The following SNX29 variants were observed in gnomAD, a reference collection of about 807,000 sequenced individuals.
The protein encoded by SNX29 is sorting nexin-29.
SNX29 carries 78 observed loss-of-function variants against 102.1 expected under a neutral mutation model. The observed-to-expected ratio is 0.76, with a 90% CI of 0.64 to 0.92. The LOEUF (loss-of-function observed/expected upper bound fraction) is 0.92, where lower values mean the gene tolerates loss of function less well. Ranked by LOEUF, SNX29 falls within the 40% of genes least tolerant of loss-of-function variation. SNX29 has a pLI of 0.00. For synonymous variants in SNX29, 580 were observed against 414.5 expected (o/e 1.40, Z -4.85); for missense variants, 1,280 against 1,061.7 (o/e 1.21, Z -2.86).
chr16:12,169,629 A>G (rs781671172), intron 13 of SNX29, among the ~76,000 whole-genome samples: 19 of 152,138 alleles, frequency 1.2e-4, no homozygotes, highest in Non-Finnish European at 2.5e-4. Flanking sequence ...GGAGGCCAAG[A>G]TGGGTGGATC....
intron 18 of SNX29, among the ~76,000 whole-genome samples, chr16:12,416,626 A>G (rs2084649427): frequency 6.6e-6 from 1 of 152,210 alleles, no homozygotes; most frequent in Non-Finnish European, 1.5e-5. Flanking sequence ...TGCAGGCTGT[A>G]CAAGAAGCAT....
chr16:12,241,195 T>G (rs1367089889), intron 14 of SNX29, among the ~76,000 whole-genome samples: 1 of 152,194 alleles, frequency 6.6e-6, no homozygotes, highest in Non-Finnish European at 1.5e-5. Flanking sequence ...TAGGTTGCTT[T>G]TAAGAGGAGT....
intron 19 of SNX29, among the ~76,000 whole-genome samples, chr16:12,481,473 TATAC>T (rs2087917546): frequency 7.5e-6 from 1 of 133,512 alleles, no homozygotes; most frequent in Admixed American, 8.2e-5. Flanking sequence ...TATACACATA[TATAC>T]ACACATATAT....
At chr16:12,145,393 G>T (rs577471577) in intron 13 of SNX29, among the ~76,000 whole-genome samples, 21 of 152,146 alleles carry the variant, frequency 1.4e-4, no homozygotes, top group African/African-American at 5.1e-4. Flanking sequence ...TTATTCTGTT[G>T]CTATGTAGAT....
chr16:11,985,691 A>G (rs1366563768), intron 1 of SNX29, among the ~76,000 whole-genome samples: 2 of 152,092 alleles, frequency 1.3e-5, no homozygotes, highest in Non-Finnish European at 2.9e-5. Context: ...AATTGTCTGG[A>G]TGGAGGATGA....
At chr16:12,146,430 T>G (rs748545594) in intron 13 of SNX29, among the ~76,000 whole-genome samples, 27 of 152,176 alleles carry the variant, frequency 1.8e-4, no homozygotes, top group Admixed American at 1.3e-4. Context: ...CATGCCCAGC[T>G]AATTTTTGTA....
chr16:12,247,925 A>G (rs1162278906), intron 14 of SNX29, among the ~76,000 whole-genome samples: 2 of 152,134 alleles, frequency 1.3e-5, no homozygotes, highest in African/African-American at 4.8e-5. Context: ...TGTGTTGTTT[A>G]CCACACACTG....
intron 18 of SNX29, among the ~76,000 whole-genome samples, chr16:12,436,477 C>T (rs1028568711): frequency 2.0e-5 from 3 of 152,224 alleles, no homozygotes; most frequent in Non-Finnish European, 4.4e-5. Context: ...TGCCAGATGC[C>T]ATTTCAGGAA....
chr16:12,225,128 GATATTA>G (rs1389838107), intron 14 of SNX29, among the ~76,000 whole-genome samples: 1 of 152,152 alleles, frequency 6.6e-6, no homozygotes, highest in Non-Finnish European at 1.5e-5. Context: ...CAAAGGCATT[GATATTA>G]ATAACAGTAT....
intron 18 of SNX29, among the ~76,000 whole-genome samples, chr16:12,472,583 A>AT (rs1305141110): frequency 1.3e-5 from 2 of 151,086 alleles, no homozygotes; most frequent in Non-Finnish European, 2.9e-5. Flanking sequence ...AATCTAGGGG[A>AT]TAGTGCTTAG....
At chr16:12,467,833 G>A (rs1006957895) in intron 18 of SNX29, among the ~76,000 whole-genome samples, 7 of 152,180 alleles carry the variant, frequency 4.6e-5, no homozygotes, top group African/African-American at 1.7e-4. Flanking sequence ...ATGCCAGATG[G>A]TGGTCGTGCT....
At chr16:12,504,685 G>A (rs1313985573) in intron 19 of SNX29, among the ~76,000 whole-genome samples, 3 of 152,160 alleles carry the variant, frequency 2.0e-5, no homozygotes, top group South Asian at 2.1e-4. Context: ...GTAATATATC[G>A]TTATAATTGT....
At chr16:12,541,744 G>T (rs1026576171) in intron 20 of SNX29, among the ~76,000 whole-genome samples, 1 of 152,046 alleles carries the variant, frequency 6.6e-6, no homozygotes, top group African/African-American at 2.4e-5. Context: ...TCCGTACTGT[G>T]CCAGCCAGTG....
At chr16:12,404,822 ACACT>A (rs1035216013) in intron 18 of SNX29, among the ~76,000 whole-genome samples, 1 of 152,146 alleles carries the variant, frequency 6.6e-6, no homozygotes, top group African/African-American at 2.4e-5. Flanking sequence ...CCTGCAGTAG[ACACT>A]CTATTCATTT....
chr16:12,532,023 G>T (rs1001883106), intron 20 of SNX29, among the ~76,000 whole-genome samples: 2 of 152,124 alleles, frequency 1.3e-5, no homozygotes, highest in African/African-American at 4.8e-5. Flanking sequence ...GGCAGGAGCA[G>T]GAGGTGTCAC....
chr16:12,536,230 GTTTT>G (rs913525669), intron 20 of SNX29, among the ~76,000 whole-genome samples: 2 of 152,076 alleles, frequency 1.3e-5, no homozygotes, highest in Non-Finnish European at 2.9e-5. Flanking sequence ...AGGATTTCAT[GTTTT>G]TTTCTTTTTT....
At chr16:12,259,238 A>G (rs1007764349) in intron 14 of SNX29, among the ~76,000 whole-genome samples, 4 of 151,902 alleles carry the variant, frequency 2.6e-5, no homozygotes, top group East Asian at 1.9e-4. Context: ...CAACGTGGGG[A>G]AAAAAAATGC....
At position 12,573,113 on chromosome 16, in the gene SNX29, AC is replaced by A. The variant is rs1684539305; in HGVS notation, c.*4485del. The A allele has an allele frequency of 4.4e-6, 1 of 229,572 alleles. No homozygotes were observed. The highest frequency in any genetic ancestry group is 6.2e-5 in the East Asian group (1 of 16,038). 14.2% of individuals were successfully genotyped at this position (229,572 alleles called of 1,614,324 possible). The stretch of plus-strand genomic sequence containing the variant: ...AAGTTCATCTTTATGTTTTTCTAAT[AC>A]ACAATCTTGATCTTGTTTCCAAAAT... On this transcript the variant is annotated 3_prime_UTR_variant, in exon 21 of 21. Coordinates refer to ENST00000566228, the MANE Select transcript of SNX29 (RefSeq NM_032167.5).
intron 16 of SNX29, among the ~76,000 whole-genome samples, chr16:12,376,488 C>T (rs1182839175): frequency 6.6e-6 from 1 of 152,074 alleles, no homozygotes; most frequent in East Asian, 1.9e-4. Context: ...GTAATCTCAA[C>T]ACTTTGGGAG....
Sources: allele counts gnomAD v4.1 joint callset (sites outside exome capture counted in the v4.1 genomes callset), GRCh38; gene constraint gnomAD v4.1.1; transcripts MANE v1.5; gene names NCBI Gene and HGNC (gene_info 2026-07-23, HGNC 2026-07-21).